SHPRH: variants seen among roughly 807,000 people sequenced by gnomAD.
SHPRH encodes the protein SNF2 histone linker PHD RING helicase.
Under a neutral mutation model 202.5 loss-of-function variants are expected in SHPRH, and 106 were observed. The observed-to-expected ratio is 0.52, with a 90% CI of 0.45 to 0.62. SHPRH has a LOEUF of 0.62. SHPRH is among the 20% of genes least tolerant of loss of function. The pLI is 0.00. For synonymous variants in SHPRH, 729 were observed against 686.0 expected, an observed-to-expected ratio of 1.06 and a Z score of -0.98; for missense variants, 1,710 against 2,020.0, an observed-to-expected ratio of 0.85 and a Z score of 2.94.
rs1362364821 is a variant in SHPRH at position 145,886,213 on chromosome 6, T to G, written c.*478A>C. Reference sequence around the variant, plus strand: ...GTATAAGCCTACTCAAAAAATGGGTTAATATAATTCACCATCTACTTAAAA... The same window carrying G: ...GTATAAGCCTACTCAAAAAATGGGTGAATATAATTCACCATCTACTTAAAA... On this transcript the variant is annotated 3_prime_UTR_variant, in exon 30 of 30. Coordinates refer to ENST00000275233, the MANE Select transcript of SHPRH (RefSeq NM_001042683.3). 2.4e-6 allele frequency: 1 copy of G among 411,464 alleles called. No individual in the cohort carries two copies. The highest frequency in any genetic ancestry group is 2.0e-5 in the African/African-American group (1 of 50,526). 25.5% of individuals were successfully genotyped at this position (411,464 alleles called of 1,614,324 possible).
At chr6:145,859,922 T>A (rs1000465157), downstream of SHPRH, among the ~76,000 whole-genome samples, 2 of 152,008 alleles carry the variant, frequency 1.3e-5, no homozygotes, top group Non-Finnish European at 2.9e-5. Context: ...CTAAGGTGGG[T>A]TTTTGTTTAA....
intron 2 of SHPRH, among the ~76,000 whole-genome samples, chr6:145,876,060 T>C (rs2128695504): frequency 6.6e-6 from 1 of 152,202 alleles, no homozygotes; most frequent in Middle Eastern, 3.4e-3. Flanking sequence ...AAGTCAGTGG[T>C]TTTTAGTAGA....
chr6:145,902,573 A>T (rs1316856536), intron 25 of SHPRH, among the ~76,000 whole-genome samples: 1 of 152,100 alleles, frequency 6.6e-6, no homozygotes, highest in Non-Finnish European at 1.5e-5. Context: ...GAATGAGATG[A>T]CCTATTTTAC....
Position 145,877,149 on chromosome 6 carries a change from T to C in SHPRH, c.221+10871A>G, listed in dbSNP as rs147755358. On this transcript the variant is annotated intron_variant, in intron 2 of 2. Transcript: ENST00000417762. ...CCTGCCAGACTGTTCATATGAGTTT[T>C]TGTATGAATATATGTTTTATTTTCT... Among the ~76,000 whole-genome samples the C allele has an allele frequency of 1.7e-3, 259 of 152,318 alleles. 2 individuals are homozygous for C. The highest frequency in any genetic ancestry group is 6.0e-3 in the African/African-American group (251 of 41,570).
intron 2 of SHPRH, among the ~76,000 whole-genome samples, chr6:145,879,521 T>C (rs910804596): frequency 1.3e-5 from 2 of 152,222 alleles, no homozygotes; most frequent in Admixed American, 6.5e-5. Flanking sequence ...AGGATTTCAC[T>C]ATCTCCTTTG....
intron 1 of SHPRH, among the ~76,000 whole-genome samples, chr6:145,956,447 A>T (rs1393576645): frequency 6.6e-6 from 1 of 152,072 alleles, no homozygotes; most frequent in Non-Finnish European, 1.5e-5. Context: ...CTCCCACCCC[A>T]CAGCTCTAAA....
At chr6:145,955,665 C>T (rs530935901) in intron 1 of SHPRH, among the ~76,000 whole-genome samples, 6 of 152,182 alleles carry the variant, frequency 3.9e-5, no homozygotes, top group African/African-American at 1.2e-4. Context: ...AGGTAAATCT[C>T]TCAATCCCAA....
At chr6:145,895,030 CAG>C in intron 25 of SHPRH, 53 bp from the exon 26 acceptor site, 1 of 1,531,276 alleles carries the variant, frequency 6.5e-7, no homozygotes, top group Non-Finnish European at 9.0e-7. Context: ...TAGTTAAGAA[CAG>C]AATAGAAAAG....
chr6:145,882,238 A>G (rs374763123), downstream of SHPRH, among the ~76,000 whole-genome samples: 10 of 152,304 alleles, frequency 6.6e-5, no homozygotes, highest in South Asian at 2.1e-3. Flanking sequence ...AAACGAGATG[A>G]CTGCTTGAGT....
At chr6:145,928,499 C>T (rs1785105875) in intron 14 of SHPRH, among the ~76,000 whole-genome samples, 1 of 151,602 alleles carries the variant, frequency 6.6e-6, no homozygotes, top group African/African-American at 2.4e-5. Flanking sequence ...TTATGAATAT[C>T]ATGTAATTAG....
chr6:145,934,721 G>A (rs866630518), intron 13 of SHPRH, among the ~76,000 whole-genome samples, 186 bp downstream of exon 13: 1 of 150,738 alleles, frequency 6.6e-6, no homozygotes, highest in South Asian at 2.1e-4. Flanking sequence ...AAAGAGAAAT[G>A]CTTAAAACCA....
chr6:145,878,481 G>A (rs952004705), intron 2 of SHPRH, among the ~76,000 whole-genome samples: 12 of 151,982 alleles, frequency 7.9e-5, no homozygotes, highest in Non-Finnish European at 1.5e-4. Flanking sequence ...TTCATATTTC[G>A]GTTTTGATAT....
At position 145,922,342 on chromosome 6, in the gene SHPRH, G is replaced by T; in HGVS notation, c.3726C>A (p.Val1242=). ...TGAACAATTCATCAGCTTTACAAAA[G>T]ACACAGCTGAAAAAAAAGAGATTAA... ...RPARLPLNCC[V]FCKADELFTE... Residue 1242 remains valine (V), a synonymous_variant, in exon 20 of 30, where the codon GTC becomes GTA. Coordinates refer to ENST00000275233, the MANE Select transcript of SHPRH (RefSeq NM_001042683.3). 6.4e-7 allele frequency: 1 copy of T among 1,557,248 alleles called. No homozygotes were observed. The highest frequency in any genetic ancestry group is 8.6e-7 in the Non-Finnish European group (1 of 1,162,148).
chr6:145,900,154 A>G (rs1209061917), intron 25 of SHPRH, among the ~76,000 whole-genome samples: 1 of 152,182 alleles, frequency 6.6e-6, no homozygotes, highest in East Asian at 1.9e-4. Context: ...ATTTCTGGGT[A>G]TATATCCAGG....
intron 25 of SHPRH, 38 bp downstream of exon 25, chr6:145,910,410 C>T (rs1398667464): frequency 6.2e-7 from 1 of 1,601,168 alleles, no homozygotes; most frequent in Non-Finnish European, 8.5e-7. Flanking sequence ...TATTATATTG[C>T]CTTACCTATG....
intron 1 of SHPRH, among the ~76,000 whole-genome samples, chr6:145,956,435 T>G (rs185628819): frequency 1.4e-4 from 22 of 152,132 alleles, no homozygotes; most frequent in African/African-American, 5.3e-4. Context: ...GTTTAGACAC[T>G]GCTCCCACCC....
intron 28 of SHPRH, among the ~76,000 whole-genome samples, chr6:145,889,642 T>C (rs1407658776): frequency 3.3e-5 from 5 of 152,156 alleles, no homozygotes; most frequent in Admixed American, 1.3e-4. Flanking sequence ...GAAACATAAA[T>C]AAATTTCATG....
chr6:145,889,629 T>A (rs1247298812), intron 28 of SHPRH, among the ~76,000 whole-genome samples: 1 of 152,188 alleles, frequency 6.6e-6, no homozygotes, highest in Non-Finnish European at 1.5e-5. Flanking sequence ...AGAATTTGTA[T>A]ATGAAACATA....
rs375779120 is a variant in SHPRH at position 145,935,367 on chromosome 6, G to C, written c.2644C>G (p.Arg882Gly). Residue 882 changes from arginine (R) to glycine (G), a missense_variant, in exon 12 of 30, where the codon CGG (arginine) becomes GGG (glycine). Around this residue, in one of 8 missense-constraint regions of SHPRH, gnomAD observed 277 missense variants for 363.0 expected, o/e 0.76. Transcript: ENST00000275233. ...TGAGGATTCTTCTTGCAGTAAGGCC[G>C]ATAGAGAAGTCGAACCCACCAGTGT... is the stretch of plus-strand genomic sequence containing the variant. ...VKHWWVRLLY[R>G]PYCKKNPQHL... The C allele has an allele frequency of 1.9e-6, 3 of 1,613,956 alleles. No individual in the cohort carries two copies. Among genetic ancestry groups the C allele is most frequent in the Admixed American group, 1.7e-5 (1 of 60,002 alleles).
Sources: allele counts gnomAD v4.1 joint callset (sites outside exome capture counted in the v4.1 genomes callset), GRCh38; gene constraint gnomAD v4.1.1; regional missense constraint gnomAD v4.1.1; transcripts MANE v1.5; gene names NCBI Gene and HGNC (gene_info 2026-07-23, HGNC 2026-07-21).